The following GLTP variants were observed in gnomAD, a reference collection of about 807,000 sequenced individuals.
GLTP encodes the protein glycolipid transfer protein.
Under a neutral mutation model 24.0 loss-of-function variants are expected in GLTP, and 22 were observed. The observed-to-expected ratio is 0.92, with a 90% CI of 0.65 to 1.31. The LOEUF (loss-of-function observed/expected upper bound fraction) is 1.31, where lower values mean the gene tolerates loss of function less well. GLTP is among the 50% of genes most tolerant of loss of function. GLTP has a pLI of 0.00. For synonymous variants in GLTP, 92 were observed against 115.9 expected, an observed-to-expected ratio of 0.79 and a Z score of 1.33; for missense variants, 224 against 276.6, an observed-to-expected ratio of 0.81 and a Z score of 1.35.
chr12:109,853,948 T>C (rs970872286), intron 4 of GLTP, among the ~76,000 whole-genome samples: 4 of 150,680 alleles, frequency 2.7e-5, no homozygotes, highest in African/African-American at 9.7e-5. Context: ...TTTACTATAT[T>C]GGCCAGGCTG....
intron 1 of GLTP, among the ~76,000 whole-genome samples, chr12:109,876,788 T>C (rs997961679): frequency 6.6e-6 from 1 of 152,194 alleles, no homozygotes; most frequent in Non-Finnish European, 1.5e-5. Flanking sequence ...TATTTATTTA[T>C]TTGAGACAGG....
At chr12:109,868,178 G>GT (rs1868605572) in intron 1 of GLTP, among the ~76,000 whole-genome samples, 2 of 152,298 alleles carry the variant, frequency 1.3e-5, no homozygotes, top group Admixed American at 1.3e-4. Flanking sequence ...CTAATTTTTT[G>GT]TTTTTAATTT....
At chr12:109,864,460 C>G (rs1389032898) in intron 1 of GLTP, among the ~76,000 whole-genome samples, 1 of 152,128 alleles carries the variant, frequency 6.6e-6, no homozygotes. Flanking sequence ...CAGGTTCAGG[C>G]CCTTCGGTTT....
intron 1 of GLTP, among the ~76,000 whole-genome samples, chr12:109,863,419 A>G (rs1164464988): frequency 2.0e-5 from 3 of 152,214 alleles, no homozygotes; most frequent in Admixed American, 1.3e-4. Flanking sequence ...GGGCAGGGAC[A>G]AGGTTCCCTG....
intron 1 of GLTP, among the ~76,000 whole-genome samples, chr12:109,874,186 G>A (rs1274494666): frequency 6.6e-6 from 1 of 152,180 alleles, no homozygotes; most frequent in African/African-American, 2.4e-5. Flanking sequence ...TGGTGCATAA[G>A]GTGTCCAGAG....
intron 2 of GLTP, 109 bp downstream of exon 2, chr12:109,858,574 C>A (rs1892832109): frequency 1.2e-6 from 1 of 802,450 alleles, no homozygotes; most frequent in Admixed American, 1.8e-5. Flanking sequence ...GTCTCCATTC[C>A]CTTCCTTGGG....
rs776315472 is a variant in GLTP, at chr12:109,871,021, C to G, written c.103+9251G>C. 4.6e-4 allele frequency among the ~76,000 whole-genome samples: 70 copies of G among 151,790 alleles called. 1 individual carries two copies. Among genetic ancestry groups the G allele is most frequent in the Non-Finnish European group, 7.2e-4 (49 of 67,986 alleles). On this transcript the variant is annotated intron_variant, in intron 1 of 4. Transcript: ENST00000318348. Reference sequence around the variant, plus strand: ...GTACGTAATAAAAGGAGTTAACATTCACTCTGGCAGGTTTTTACTGAAACA... The same window carrying G: ...GTACGTAATAAAAGGAGTTAACATTGACTCTGGCAGGTTTTTACTGAAACA...
chr12:109,859,207 A>G (rs1892840927), intron 1 of GLTP, among the ~76,000 whole-genome samples: 1 of 152,126 alleles, frequency 6.6e-6, no homozygotes, highest in Non-Finnish European at 1.5e-5. Flanking sequence ...GGCACGCACC[A>G]TCATACCCGG....
In GLTP at chr12:109,852,375, A is replaced by G; in HGVS notation, c.*180T>C. On this transcript the variant is annotated 3_prime_UTR_variant, in exon 5 of 5. Transcript: ENST00000318348. ...TTTACTGGTCCTTTAGAATAGACCA[A>G]AAAAAAAAAAAAAAAAGACTTAAAA... The G allele has an allele frequency of 4.0e-6, 1 of 251,200 alleles. No individual in the cohort carries two copies. Among genetic ancestry groups the G allele is most frequent in the Non-Finnish European group, 7.0e-6 (1 of 142,126 alleles). The allele number at this position is 251,200 out of a possible 1,614,324, so 15.6% of individuals were successfully genotyped here. A position where few individuals can be genotyped will look rare whatever the true frequency, so the allele number is the denominator to read the frequency against.
At chr12:109,873,605 G>A (rs1307799733) in intron 1 of GLTP, among the ~76,000 whole-genome samples, 3 of 141,590 alleles carry the variant, frequency 2.1e-5, no homozygotes, top group Non-Finnish European at 4.5e-5. Flanking sequence ...CTGCACTCCA[G>A]CCTGGGCAAT....
chr12:109,876,513 AG>A (rs1868884135), intron 1 of GLTP, among the ~76,000 whole-genome samples: 1 of 151,130 alleles, frequency 6.6e-6, no homozygotes, highest in Non-Finnish European at 1.5e-5. Context: ...CAGAGAAGAA[AG>A]AAAGAGGGAG....
chr12:109,865,976 C>G (rs971620346), intron 1 of GLTP, among the ~76,000 whole-genome samples: 1 of 152,042 alleles, frequency 6.6e-6, no homozygotes, highest in Admixed American at 6.6e-5. Flanking sequence ...ATGGGGGAGA[C>G]GAGAAATCCC....
At chr12:109,862,291 C>G (rs1056194682) in intron 1 of GLTP, among the ~76,000 whole-genome samples, 1 of 152,282 alleles carries the variant, frequency 6.6e-6, no homozygotes, top group Middle Eastern at 3.4e-3. Flanking sequence ...ACCTCCGCTG[C>G]GTGTAGAGGC....
chr12:109,875,288 C>A (rs1447205656), intron 1 of GLTP, among the ~76,000 whole-genome samples: 1 of 152,018 alleles, frequency 6.6e-6, no homozygotes, highest in East Asian at 1.9e-4. Context: ...ATAAGTAGAA[C>A]CCAAACAGGC....
intron 2 of GLTP, among the ~76,000 whole-genome samples, chr12:109,858,348 G>A (rs191823638): frequency 6.6e-6 from 1 of 152,232 alleles, no homozygotes; most frequent in Non-Finnish European, 1.5e-5. Flanking sequence ...TACCAGGATT[G>A]GAGAAGGGGA....
chr12:109,862,318 T>A (rs1374915141), intron 1 of GLTP, among the ~76,000 whole-genome samples: 1 of 151,922 alleles, frequency 6.6e-6, no homozygotes, highest in Non-Finnish European at 1.5e-5. Context: ...GGGGAGGTCA[T>A]GCCACTTGTT....
In GLTP at chr12:109,855,700, G is replaced by A. The variant is rs1227136609; in HGVS notation, c.366C>T (p.Asn122=). The A allele has an allele frequency of 5.0e-6, 8 of 1,610,072 alleles. No individual in the cohort carries two copies. The highest frequency in any genetic ancestry group is 5.9e-6 in the Non-Finnish European group (7 of 1,178,256). ...CCTTGGTGGCGTTGACACGGATGAG[G>A]TTGGGGTGGTTCTCGTCCCGCTCCC... ...CDGERDENHP[N]LIRVNATKAY... Residue 122 remains asparagine (N), a synonymous_variant, in exon 4 of 5, where the codon AAC becomes AAT. Coordinates refer to ENST00000318348, the MANE Select transcript of GLTP (RefSeq NM_016433.4). This position sits in a 1 kb window ranked among gnomAD's most constrained non-coding sequence, Gnocchi z 4.1.
Position 109,880,419 on chromosome 12 carries a change from C to G in GLTP, c.-45G>C. 1 of 824,710 alleles carries G rather than the reference C, an allele frequency of 1.2e-6. No homozygotes were observed. 51.1% of individuals were successfully genotyped at this position (824,710 alleles called of 1,614,324 possible). A position where few individuals can be genotyped will look rare whatever the true frequency, so the allele number is the denominator to read the frequency against. The stretch of plus-strand genomic sequence containing the variant: ...GTGATGCCCCAGCCGGCGCCGCGGG[C>G]GTCGACACCGCCCCCCCGGCCGCCG... On this transcript the variant is annotated 5_prime_UTR_variant, in exon 1 of 5. Coordinates refer to ENST00000318348, the MANE Select transcript of GLTP (RefSeq NM_016433.4). This position sits in a 1 kb window ranked among gnomAD's most constrained non-coding sequence, Gnocchi z 5.1.
At chr12:109,865,601 G>GA (rs779767793) in intron 1 of GLTP, among the ~76,000 whole-genome samples, 2,810 of 136,818 alleles carry the variant, frequency 0.021, 67 homozygotes, top group African/African-American at 0.061. Context: ...GATTCTGTTT[G>GA]AAAAAAAAAA....
Sources: allele counts gnomAD v4.1 joint callset (sites outside exome capture counted in the v4.1 genomes callset), GRCh38; gene constraint gnomAD v4.1.1; non-coding constraint Gnocchi (gnomAD v3.1); transcripts MANE v1.5; gene names NCBI Gene and HGNC (gene_info 2026-07-23, HGNC 2026-07-21).